FRRS1L: variants seen among roughly 807,000 people sequenced by gnomAD.
The protein encoded by FRRS1L is ferric chelate reductase 1 like.
Under a neutral mutation model 28.6 loss-of-function variants are expected in FRRS1L, and 22 were observed. The observed-to-expected ratio is 0.77, with a 90% confidence interval of 0.55 to 1.10. The LOEUF is 1.10. Ranked by LOEUF, FRRS1L falls within the 50% of genes least tolerant of loss-of-function variation. FRRS1L has a pLI of 0.00. For missense variants in FRRS1L, 380 were observed against 386.9 expected (o/e 0.98, Z 0.15); for synonymous variants, 158 against 151.4 (o/e 1.04, Z -0.32).
intron 1 of FRRS1L, among the ~76,000 whole-genome samples, 195 bp downstream of exon 1, chr9:109,166,706 T>C (rs932207368): frequency 6.6e-6 from 1 of 151,990 alleles, no homozygotes; most frequent in Non-Finnish European, 1.5e-5. Flanking sequence ...GACAGCTCTT[T>C]GGGCCTTTCC....
At chr9:109,161,443 G>T (rs1831479572) in intron 1 of FRRS1L, among the ~76,000 whole-genome samples, 1 of 151,916 alleles carries the variant, frequency 6.6e-6, no homozygotes. Context: ...AGCTCTTTCA[G>T]TAAATTCTGT....
intron 1 of FRRS1L, among the ~76,000 whole-genome samples, chr9:109,163,650 G>A (rs1588105310): frequency 6.6e-6 from 1 of 152,136 alleles, no homozygotes; most frequent in African/African-American, 2.4e-5. Flanking sequence ...CTCAGTTTCA[G>A]TGGATTTCCA....
Position 109,137,596 on chromosome 9 carries a change from C to T in FRRS1L, c.741G>A (p.Pro247=), listed in dbSNP as rs781543300. 1.2e-5 allele frequency: 20 copies of T among 1,608,352 alleles called. No individual in the cohort carries two copies. Among genetic ancestry groups the T allele is most frequent in the East Asian group, 1.1e-4 (5 of 44,818 alleles). The part of the protein sequence containing the change: ...GSITRHDIDS[P]PASERVVSIY... ...TACTGACAACACGCTCTGAAGCCGG[C>T]GGTGAGTCTATATCATGTCGAGTGA... The change falls in exon 5 of 5, where the codon CCG becomes CCA. Residue 247 remains proline (P), a synonymous_variant. Coordinates refer to ENST00000561981, the MANE Select transcript of FRRS1L (RefSeq NM_014334.4).
At position 109,152,440 on chromosome 9, in the gene FRRS1L, G is replaced by A. The variant is rs371517541; in HGVS notation, c.239-2720C>T. 2.0e-4 allele frequency among the ~76,000 whole-genome samples: 30 copies of A among 152,014 alleles called. No individual in the cohort carries two copies. The South Asian group carries it at 3.5e-3, about 18-fold the overall frequency. On this transcript the variant is annotated intron_variant, in intron 1 of 4. Coordinates refer to ENST00000561981, the MANE Select transcript of FRRS1L (RefSeq NM_014334.4). ...TGGGATTACAGGCATGAGCCACTGC[G>A]CCTGGCCCTATTAAATTTTGTAAAC...
At chr9:109,145,327 G>A (rs1358492885) in intron 3 of FRRS1L, among the ~76,000 whole-genome samples, 1 of 152,236 alleles carries the variant, frequency 6.6e-6, no homozygotes, top group African/African-American at 2.4e-5. Context: ...CCTGGGTACA[G>A]AGGAAGATAA....
Position 109,141,401 on chromosome 9 carries a change from T to C in FRRS1L, c.651A>G (p.Thr217=), listed in dbSNP as rs776231707. The C allele has an allele frequency of 1.2e-6, 2 of 1,614,146 alleles. No individual in the cohort carries two copies. Among genetic ancestry groups the C allele is most frequent in the Admixed American group, 1.7e-5 (1 of 60,024 alleles). The change falls in exon 4 of 5, where the codon ACA becomes ACG. Residue 217 remains threonine, a synonymous_variant. Coordinates refer to ENST00000561981, the MANE Select transcript of FRRS1L (RefSeq NM_014334.4). ...ACCAACTCAAATGCAGATCAACAATTGTTTCATCTCTGGGAACATTCACAG... is the reference window on the plus strand; with the variant it reads ...ACCAACTCAAATGCAGATCAACAATCGTTTCATCTCTGGGAACATTCACAG... ...KRPVNVPRDE[T]IVDLHLSWYY... is the part of the protein sequence containing the mutation.
chr9:109,166,863 C>G, intron 1 of FRRS1L, 38 bp downstream of exon 1: 3 of 457,260 alleles, frequency 6.6e-6, no homozygotes, highest in Non-Finnish European at 8.9e-6. Context: ...CACCCCCGGT[C>G]TCCCCTCCCG....
intron 1 of FRRS1L, among the ~76,000 whole-genome samples, chr9:109,162,420 T>C (rs1005515267): frequency 1.3e-5 from 2 of 152,346 alleles, no homozygotes; most frequent in African/African-American, 4.8e-5. Context: ...TACCACTTTA[T>C]CCATTAAGTC....
intron 3 of FRRS1L, among the ~76,000 whole-genome samples, chr9:109,143,975 T>C (rs1009887082): frequency 6.6e-6 from 1 of 152,120 alleles, no homozygotes; most frequent in East Asian, 1.9e-4. Context: ...AGATACTTTA[T>C]AGGCCTTTAG....
At chr9:109,163,511 T>C (rs560990481) in intron 1 of FRRS1L, among the ~76,000 whole-genome samples, 2 of 152,198 alleles carry the variant, frequency 1.3e-5, no homozygotes, top group African/African-American at 4.8e-5. Flanking sequence ...ATGACCATGT[T>C]AGGGGGTGAT....
Position 109,137,569 on chromosome 9 carries a change from A to G in FRRS1L, c.768T>C (p.Ile256=), listed in dbSNP as rs1174210041. ...SPPASERVVS[I]YKYEDIFMPS... ...GCATAAAAATGTCTTCATACTTGTAAATACTGACAACACGCTCTGAAGCCG... is the reference window on the plus strand; with the variant it reads ...GCATAAAAATGTCTTCATACTTGTAGATACTGACAACACGCTCTGAAGCCG... Residue 256 remains isoleucine, a synonymous_variant, in exon 5 of 5, where the codon ATT becomes ATC. Coordinates refer to ENST00000561981, the MANE Select transcript of FRRS1L (RefSeq NM_014334.4). The G allele has an allele frequency of 1.9e-6, 3 of 1,612,898 alleles. No individual in the cohort carries two copies. The highest frequency in any genetic ancestry group is 3.3e-5 in the Admixed American group (2 of 59,982).
rs7022318 is a variant in FRRS1L, at chr9:109,141,848, A to T, written c.463-259T>A. ...CCCAAAACACAAACCAACCTAATCA[A>T]GAAAAAACAATCAGACAAACTCAAA... is the stretch of plus-strand genomic sequence containing the variant. On this transcript the variant is annotated intron_variant, in intron 3 of 4. Coordinates refer to ENST00000561981, the MANE Select transcript of FRRS1L (RefSeq NM_014334.4). Among the ~76,000 whole-genome samples, 22,675 of 152,026 alleles carry T rather than the reference A, an allele frequency of 0.15. 1,931 individuals are homozygous for T. Among genetic ancestry groups the T allele is most frequent in the African/African-American group, 0.18 (7,373 of 41,442 alleles).
In FRRS1L at chr9:109,134,130, G is replaced by A. The variant is rs1831086307; in HGVS notation, c.*3325C>T. On this transcript the variant is annotated 3_prime_UTR_variant, in exon 5 of 5. Coordinates refer to ENST00000561981, the MANE Select transcript of FRRS1L (RefSeq NM_014334.4). ...AGGAAGAATATAAAAATGTTGGCCA[G>A]TCTCCCAATATACATGAAATGCAAG... 6.6e-6 allele frequency: 1 copy of A among 152,208 alleles called. No homozygotes were observed. The highest frequency in any genetic ancestry group is 2.1e-4 in the South Asian group (1 of 4,830). 9.4% of individuals were successfully genotyped at this position (152,208 alleles called of 1,614,324 possible).
At position 109,155,682 on chromosome 9, in the gene FRRS1L, C is replaced by T. The variant is rs571700716; in HGVS notation, c.239-5962G>A. Among the ~76,000 whole-genome samples the T allele has an allele frequency of 6.6e-4, 90 of 136,696 alleles. 1 individual carries two copies. Among genetic ancestry groups the T allele is most frequent in the Admixed American group, 5.0e-3 (62 of 12,482 alleles). 89.7% of individuals were successfully genotyped at this position (136,696 alleles called of 152,430 possible). A position where few individuals can be genotyped will look rare whatever the true frequency, so the allele number is the denominator to read the frequency against. Reference sequence around the variant, plus strand: ...TTGCACCACTGCACTCCAGCCTGGGCGACAGAGCAAGACTCCATCTCAAAA... The same window carrying T: ...TTGCACCACTGCACTCCAGCCTGGGTGACAGAGCAAGACTCCATCTCAAAA... On this transcript the variant is annotated intron_variant, in intron 1 of 4. Transcript: ENST00000561981.
intron 1 of FRRS1L, 56 bp downstream of exon 1, chr9:109,166,845 C>A (rs1831558486): frequency 5.1e-6 from 2 of 389,852 alleles, no homozygotes; most frequent in Admixed American, 1.3e-4. Flanking sequence ...CCCCGATCCT[C>A]GGTCCCCCAC....
At chr9:109,166,470 C>T (rs370103557) in intron 1 of FRRS1L, among the ~76,000 whole-genome samples, 8 of 152,210 alleles carry the variant, frequency 5.3e-5, no homozygotes, top group African/African-American at 1.4e-4. Flanking sequence ...AATAAGGCAA[C>T]CTCTCTCTTT....
At chr9:109,143,716 T>C (rs1457740746) in intron 3 of FRRS1L, among the ~76,000 whole-genome samples, 1 of 151,972 alleles carries the variant, frequency 6.6e-6, no homozygotes, top group Non-Finnish European at 1.5e-5. Flanking sequence ...GGCTTCACTA[T>C]GTTGGCCAGG....
At chr9:109,138,354 A>G (rs1427676576) in intron 4 of FRRS1L, 1 of 152,370 alleles carries the variant, frequency 6.6e-6, no homozygotes, top group Middle Eastern at 3.4e-3. Context: ...ATATTTAATA[A>G]TCTTCAGTTG....
intron 1 of FRRS1L, among the ~76,000 whole-genome samples, chr9:109,161,442 A>G (rs1347594216): frequency 6.6e-6 from 1 of 151,992 alleles, no homozygotes; most frequent in Non-Finnish European, 1.5e-5. Flanking sequence ...AAGCTCTTTC[A>G]GTAAATTCTG....
Sources: allele counts gnomAD v4.1 joint callset (sites outside exome capture counted in the v4.1 genomes callset), GRCh38; gene constraint gnomAD v4.1.1; transcripts MANE v1.5; gene names NCBI Gene and HGNC (gene_info 2026-07-23, HGNC 2026-07-21).